Variants in LRCH1 observed in about 807,000 individuals in gnomAD.
LRCH1 encodes the protein leucine-rich repeat and calponin homology domain-containing protein 1.
In LRCH1, 23 loss-of-function variants were observed where a neutral mutation model predicts 94.9. That is an observed-to-expected ratio of 0.24 (90% CI 0.17 to 0.34). LRCH1 has a LOEUF of 0.34. Among genes scored for constraint, LRCH1 ranks in the 10% least tolerant of loss-of-function variants. LRCH1 has a pLI of 1.00. For synonymous variants in LRCH1, 364 were observed against 354.9 expected, an observed-to-expected ratio of 1.03 and a Z score of -0.29; for missense variants, 790 against 945.9, an observed-to-expected ratio of 0.84 and a Z score of 2.16.
chr13:46,595,369 T>G (rs1014872733), intron 1 of LRCH1, among the ~76,000 whole-genome samples: 3 of 152,220 alleles, frequency 2.0e-5, no homozygotes, highest in African/African-American at 7.2e-5. Context: ...GCAGACCTGC[T>G]CTGCATCTCC....
chr13:46,638,997 A>G (rs1319111232), intron 1 of LRCH1, among the ~76,000 whole-genome samples: 1 of 152,256 alleles, frequency 6.6e-6, no homozygotes, highest in Non-Finnish European at 1.5e-5. Context: ...GTTTCACGGT[A>G]TATTTGACTT....
chr13:46,606,807 A>T (rs890803441), intron 1 of LRCH1, among the ~76,000 whole-genome samples: 1 of 152,132 alleles, frequency 6.6e-6, no homozygotes, highest in Non-Finnish European at 1.5e-5. Context: ...CCTGACCTCA[A>T]GTGATCCTCC....
chr13:46,719,156 T>C (rs778753168), intron 16 of LRCH1, among the ~76,000 whole-genome samples: 2 of 152,282 alleles, frequency 1.3e-5, no homozygotes, highest in Non-Finnish European at 2.9e-5. Flanking sequence ...TTTCAGAGTC[T>C]AATGCATTCA....
At chr13:46,577,903 C>T (rs2050321597) in intron 1 of LRCH1, among the ~76,000 whole-genome samples, 1 of 152,222 alleles carries the variant, frequency 6.6e-6, no homozygotes, top group South Asian at 2.1e-4. Context: ...CTGGGAGCCT[C>T]TCCTTGGTTC....
chr13:46,630,259 G>C (rs1465484262), intron 1 of LRCH1, among the ~76,000 whole-genome samples: 1 of 152,200 alleles, frequency 6.6e-6, no homozygotes, highest in Non-Finnish European at 1.5e-5. Context: ...ACAGCAGATG[G>C]ATGGGGCAGA....
At chr13:46,633,489 G>C (rs1019255797) in intron 1 of LRCH1, among the ~76,000 whole-genome samples, 10 of 152,146 alleles carry the variant, frequency 6.6e-5, no homozygotes, top group Non-Finnish European at 4.4e-5. Flanking sequence ...TGCCATAGTG[G>C]AAATAAAACT....
intron 1 of LRCH1, among the ~76,000 whole-genome samples, chr13:46,594,978 G>A (rs1208711899): frequency 6.6e-6 from 1 of 152,018 alleles, no homozygotes; most frequent in Non-Finnish European, 1.5e-5. Context: ...AAAGAGTGTG[G>A]CAGCTATAAC....
At chr13:46,725,435 T>C (rs893301067) in intron 17 of LRCH1, among the ~76,000 whole-genome samples, 5 of 152,232 alleles carry the variant, frequency 3.3e-5, no homozygotes, top group Admixed American at 2.6e-4. Flanking sequence ...GTGTATTGAC[T>C]GTCACTCTCT....
intron 1 of LRCH1, among the ~76,000 whole-genome samples, chr13:46,641,745 C>T (rs1466118847): frequency 6.6e-6 from 1 of 152,114 alleles, no homozygotes; most frequent in Non-Finnish European, 1.5e-5. Flanking sequence ...CCTGAGACAC[C>T]ACTTTCCTTT....
At chr13:46,566,325 T>G (rs1268989009) in intron 1 of LRCH1, among the ~76,000 whole-genome samples, 1 of 152,164 alleles carries the variant, frequency 6.6e-6, no homozygotes, top group Non-Finnish European at 1.5e-5. Flanking sequence ...TTTTTTTCCC[T>G]CACTCTTTTA....
chr13:46,579,824 C>T (rs2050345855), intron 1 of LRCH1, among the ~76,000 whole-genome samples: 2 of 152,160 alleles, frequency 1.3e-5, no homozygotes, highest in South Asian at 4.1e-4. Context: ...ACTTTTGTTT[C>T]AGAAGCATCT....
Position 46,688,081 on chromosome 13 carries a change from A to G in LRCH1, c.950+102A>G, listed in dbSNP as rs75062860. 1.7e-4 allele frequency: 206 copies of G among 1,210,174 alleles called. 2 individuals are homozygous for G. In the East Asian group the frequency reaches 2.9e-3, roughly 17 times the overall value. 75.0% of individuals were successfully genotyped at this position (1,210,174 alleles called of 1,614,324 possible). ...TCTGTTTGTTTTAAGTCACCATGGT[A>G]TCTGCAGAAAACAAAGCAAAACAGA... On this transcript the variant is annotated intron_variant, in intron 6 of 19. Transcript: ENST00000389797.
intron 1 of LRCH1, among the ~76,000 whole-genome samples, chr13:46,629,313 A>G (rs1238335121): frequency 6.6e-6 from 1 of 151,428 alleles, no homozygotes; most frequent in Non-Finnish European, 1.5e-5. Context: ...TCTGTTTTTT[A>G]TTTTTAAATC....
At chr13:46,716,389 T>C (rs1253787641) in intron 16 of LRCH1, among the ~76,000 whole-genome samples, 2 of 152,330 alleles carry the variant, frequency 1.3e-5, no homozygotes, top group Non-Finnish European at 2.9e-5. Flanking sequence ...ACCACCTATA[T>C]CGTAATCTCC....
intron 1 of LRCH1, among the ~76,000 whole-genome samples, chr13:46,626,309 A>G (rs1359021276): frequency 6.6e-6 from 1 of 152,176 alleles, no homozygotes; most frequent in East Asian, 1.9e-4. Flanking sequence ...CCAAGCCATC[A>G]CATCCCCTGT....
chr13:46,555,199 C>T (rs1337765953), intron 1 of LRCH1, among the ~76,000 whole-genome samples: 1 of 152,206 alleles, frequency 6.6e-6, no homozygotes, highest in Admixed American at 6.5e-5. Context: ...TTAGTTACAT[C>T]TTCTCAAGTG....
chr13:46,553,270 C>CCCCTCCTT lies in LRCH1; in HGVS notation c.-124_-117dup. The CCCCTCCTT allele has an allele frequency of 1.6e-6, 1 of 643,684 alleles. No homozygotes were observed. Among genetic ancestry groups the CCCCTCCTT allele is most frequent in the African/African-American group, 1.9e-5 (1 of 53,450 alleles). 39.9% of individuals were successfully genotyped at this position (643,684 alleles called of 1,614,324 possible). A position where few individuals can be genotyped will look rare whatever the true frequency, so the allele number is the denominator to read the frequency against. The stretch of plus-strand genomic sequence containing the variant: ...TCTACGCGCCTGCCCACACCCTCCT[C>CCCCTCCTT]CCCTCCTTCCAGCGCCTTTCGGTGG... On this transcript the variant is annotated 5_prime_UTR_variant, in exon 1 of 20. Transcript: ENST00000389797.
chr13:46,694,937 G>A lies in LRCH1; in HGVS notation c.1165G>A (p.Asp389Asn), dbSNP rs202210486. 1.2e-5 allele frequency: 20 copies of A among 1,614,182 alleles called. No individual in the cohort carries two copies. In the East Asian group the frequency reaches 4.2e-4, roughly 34 times the overall value. The stretch of plus-strand genomic sequence containing the variant: ...TCAACCGGAGCCTTCCCTTTTGGGT[G>A]ACAGCACCAACTCAGGAGAAGAAAG... ...EFQPEPSLLG[D>N]STNSGEERDQ... The change falls in exon 9 of 20, where the codon GAC becomes AAC. Residue 389 changes from aspartate (D) to asparagine (N), a missense_variant. By Grantham distance (23) the Asp-to-Asn change is conservative. Around this residue, in one of 3 missense-constraint regions of LRCH1, gnomAD observed 460 missense variants for 508.9 expected, o/e 0.90. Coordinates refer to ENST00000389797, the MANE Select transcript of LRCH1 (RefSeq NM_001164211.2).
intron 1 of LRCH1, among the ~76,000 whole-genome samples, chr13:46,586,948 G>A (rs1472359934): frequency 6.6e-6 from 1 of 152,212 alleles, no homozygotes; most frequent in African/African-American, 2.4e-5. Context: ...CAGAGACAGT[G>A]AATCTCACTG....
Sources: gnomAD v4.1 joint callset for allele counts (sites outside exome capture counted in the v4.1 genomes callset) on GRCh38, gnomAD v4.1.1 for gene constraint, gnomAD v4.1.1 regional missense constraint, MANE v1.5 for transcripts, NCBI Gene and HGNC (gene_info 2026-07-23, HGNC 2026-07-21) for gene names.